PRPF38B: variants seen among roughly 807,000 people sequenced by gnomAD.
PRPF38B encodes pre-mRNA processing factor 38B, also known as pre-mRNA-splicing factor 38B.
PRPF38B carries 18 observed loss-of-function variants against 67.2 expected under a neutral mutation model. The ratio of observed to expected loss-of-function variants is 0.27; its 90% CI spans 0.19 to 0.40. The LOEUF (loss-of-function observed/expected upper bound fraction) is 0.40. Among genes scored for constraint, PRPF38B ranks in the 10% least tolerant of loss-of-function variants. The pLI, the probability that PRPF38B is intolerant of heterozygous loss-of-function variation, is 1.00. For missense variants in PRPF38B, 544 were observed against 684.9 expected (o/e 0.79, Z 2.30); for synonymous variants, 246 against 234.2 (o/e 1.05, Z -0.46).
chr1:108,695,804 T>C, intron 2 of PRPF38B, 34 bp downstream of exon 2: 3 of 1,602,112 alleles, frequency 1.9e-6, no homozygotes, highest in Non-Finnish European at 2.6e-6. Context: ...TCAGTTTTTC[T>C]GTGTCTAATA....
chr1:108,700,748 T>C lies in PRPF38B; in HGVS notation c.*728T>C, dbSNP rs1372251016. 6.6e-6 allele frequency: 1 copy of C among 152,586 alleles called. No homozygotes were observed. Among genetic ancestry groups the C allele is most frequent in the Non-Finnish European group, 1.5e-5 (1 of 68,022 alleles). 9.5% of individuals were successfully genotyped at this position (152,586 alleles called of 1,614,324 possible). ...AGTTTTCCTTTTTTATTTGAAAAAA[T>C]ACATGACATGTAATCTTTTTTTCTT... On this transcript the variant is annotated 3_prime_UTR_variant, in exon 6 of 6. Coordinates refer to ENST00000370025, the MANE Select transcript of PRPF38B (RefSeq NM_018061.4).
chr1:108,696,714 C>CT (rs1659893738), intron 4 of PRPF38B: 5 of 715,816 alleles, frequency 7.0e-6, no homozygotes, highest in Middle Eastern at 2.3e-4. Context: ...CTAATTGTAG[C>CT]TTTTTTTTCT....
intron 4 of PRPF38B, chr1:108,696,994 C>G: frequency 1.9e-6 from 1 of 513,826 alleles, no homozygotes. Context: ...TATGCATTGG[C>G]TGGGCGTGGT....
At chr1:108,694,905 T>A (rs979355288) in intron 1 of PRPF38B, among the ~76,000 whole-genome samples, 3 of 149,012 alleles carry the variant, frequency 2.0e-5, no homozygotes, top group Admixed American at 6.6e-5. Context: ...TTAGCAAATA[T>A]GATACTGTAT....
In PRPF38B at chr1:108,699,466, G is replaced by T; in HGVS notation, c.1087G>T (p.Gly363Cys). 6.2e-7 allele frequency: 1 copy of T among 1,610,132 alleles called. No homozygotes were observed. The highest frequency in any genetic ancestry group is 8.5e-7 in the Non-Finnish European group (1 of 1,177,968). The change falls in exon 6 of 6, where the codon GGT (glycine) becomes TGT (cysteine). Residue 363 changes from glycine (G) to cysteine (C), a missense_variant. Around this residue, in one of 5 missense-constraint regions of PRPF38B, gnomAD observed 387 missense variants for 386.1 expected, o/e 1.00. Transcript: ENST00000370025. ...AGAAAGAGAGAAAGAAAATGAGAGA[G>T]GTAGAAGACGAGATCGTGACTATGA... is the stretch of plus-strand genomic sequence containing the variant. ...DREREKENER[G>C]RRRDRDYDKE...
At chr1:108,693,609 C>CTT in intron 1 of PRPF38B, 1 of 985,030 alleles carries the variant, frequency 1.0e-6, no homozygotes, top group African/African-American at 1.7e-5. Flanking sequence ...AGTCTTGCAG[C>CTT]GAGGCTCGGA....
chr1:108,698,472 G>A (rs1215540337), intron 4 of PRPF38B, 132 bp from the exon 5 acceptor site: 1 of 699,332 alleles, frequency 1.4e-6, no homozygotes, highest in Non-Finnish European at 2.4e-6. Flanking sequence ...TGTCAGATCA[G>A]GATATGAAAA....
chr1:108,699,064 G>C (rs1660167062), intron 5 of PRPF38B, 98 bp from the exon 6 acceptor site: 1 of 1,515,046 alleles, frequency 6.6e-7, no homozygotes, highest in South Asian at 1.4e-5. Context: ...CCTTAAGCTT[G>C]AGGACATGAA....
intron 4 of PRPF38B, chr1:108,697,896 T>C (rs1660058318): frequency 6.6e-6 from 1 of 152,244 alleles, no homozygotes; most frequent in African/African-American, 2.4e-5. Context: ...TTAGCTCTTG[T>C]TTTCCTGTTT....
rs749221908 is a variant in PRPF38B at position 108,699,652 on chromosome 1, C to A, written c.1273C>A (p.His425Asn). Reference sequence around the variant, plus strand: ...AAGAGATTCCAAGAAAGAGAAAAAACACAGTAGAAGCAGAAGCAGAGAAAG... The same window carrying A: ...AAGAGATTCCAAGAAAGAGAAAAAAAACAGTAGAAGCAGAAGCAGAGAAAG... ...DKRDSKKEKK[H>N]SRSRSRERKH... Residue 425 changes from histidine to asparagine, a missense_variant, in exon 6 of 6, where the codon CAC (histidine) becomes AAC (asparagine). Transcript: ENST00000370025. 3.2e-6 allele frequency: 5 copies of A among 1,564,390 alleles called. No homozygotes were observed. The highest frequency in any genetic ancestry group is 4.3e-6 in the Non-Finnish European group (5 of 1,154,484).
Position 108,701,648 on chromosome 1 carries a change from C to G in PRPF38B, c.*1628C>G, listed in dbSNP as rs531371534. 6.6e-6 allele frequency: 1 copy of G among 152,174 alleles called. No individual in the cohort carries two copies. The highest frequency in any genetic ancestry group is 1.9e-4 in the East Asian group (1 of 5,204). 9.4% of individuals were successfully genotyped at this position (152,174 alleles called of 1,614,324 possible). ...GCACATTGAGGTTTGTTTTATCTCACTGGTTATACTGGCCAACTAATGCGC... is the reference window on the plus strand; with the variant it reads ...GCACATTGAGGTTTGTTTTATCTCAGTGGTTATACTGGCCAACTAATGCGC... On this transcript the variant is annotated 3_prime_UTR_variant, in exon 6 of 6. Coordinates refer to ENST00000370025, the MANE Select transcript of PRPF38B (RefSeq NM_018061.4).
intron 4 of PRPF38B, 104 bp from the exon 5 acceptor site, chr1:108,698,500 T>A: frequency 1.2e-6 from 1 of 863,454 alleles, no homozygotes; most frequent in East Asian, 2.7e-5. Flanking sequence ...TTTCTGTTAG[T>A]TTTTTTTGTA....
intron 4 of PRPF38B, chr1:108,696,591 CTTAA>C (rs1659879843): frequency 1.6e-6 from 1 of 606,910 alleles, no homozygotes; most frequent in Non-Finnish European, 2.9e-6. Context: ...ATTTTCTCTT[CTTAA>C]TTATGTTCTG....
Position 108,699,563 on chromosome 1 carries a change from G to A in PRPF38B, c.1184G>A (p.Arg395Lys), listed in dbSNP as rs200491160. The change falls in exon 6 of 6, where the codon AGG becomes AAG. Residue 395 changes from arginine (R) to lysine (K), a missense_variant. By Grantham distance (26) the Arg-to-Lys change is conservative. Around this residue, in one of 5 missense-constraint regions of PRPF38B, gnomAD observed 387 missense variants for 386.1 expected, o/e 1.00. Transcript: ENST00000370025. ...GAAAGGTCCAAGGAACAGAGAAGTA[G>A]GGGAGAGGTAGAAGAGAAGAAACAT... ...SRERSKEQRS[R>K]GEVEEKKHKE... is the part of the protein sequence containing the mutation. The A allele has an allele frequency of 6.3e-4, 981 of 1,553,846 alleles. No homozygotes were observed. The highest frequency in any genetic ancestry group is 7.8e-4 in the Non-Finnish European group (897 of 1,148,138).
At position 108,699,817 on chromosome 1, in the gene PRPF38B, G is replaced by A; in HGVS notation, c.1438G>A (p.Asp480Asn). ...RSRSGSQGRT[D>N]SVEKSKKREH... ...TCGAAGTGGCAGTCAAGGAAGAACT[G>A]ACAGTGTTGAAAAATCAAAAAAACG... Residue 480 changes from aspartate (D) to asparagine (N), a missense_variant, in exon 6 of 6, where the codon GAC becomes AAC. Around this residue, in one of 5 missense-constraint regions of PRPF38B, gnomAD observed 387 missense variants for 386.1 expected, o/e 1.00. Transcript: ENST00000370025. 1 of 1,613,122 alleles carries A rather than the reference G, an allele frequency of 6.2e-7. No individual in the cohort carries two copies.
intron 1 of PRPF38B, among the ~76,000 whole-genome samples, chr1:108,693,156 A>T (rs548444909): frequency 2.6e-5 from 4 of 152,274 alleles, no homozygotes; most frequent in Non-Finnish European, 5.9e-5. Context: ...GGGGGAGAGG[A>T]GGAAAGAGTA....
At position 108,699,949 on chromosome 1, in the gene PRPF38B, C is replaced by G. The variant is rs758331572; in HGVS notation, c.1570C>G (p.Arg524Gly). 12 of 1,613,338 alleles carry G rather than the reference C, an allele frequency of 7.4e-6. No homozygotes were observed. Among genetic ancestry groups the G allele is most frequent in the Admixed American group, 1.7e-5 (1 of 59,746 alleles). ...DSKDQSDKHD[R>G]RRSQSIEQES... is the part of the protein sequence containing the mutation. ...TAAGGACCAGTCAGACAAACATGAT[C>G]GTCGAAGGAGCCAAAGTATAGAACA... The change falls in exon 6 of 6, where the codon CGT becomes GGT. Residue 524 changes from arginine to glycine, a missense_variant. By Grantham distance (125) the Arg-to-Gly change is moderately radical (BLOSUM62 -2). Coordinates refer to ENST00000370025, the MANE Select transcript of PRPF38B (RefSeq NM_018061.4).
Position 108,699,530 on chromosome 1 carries a change from G to A in PRPF38B, c.1151G>A (p.Arg384Gln), listed in dbSNP as rs1178798608. ...RGNEREKERE[R>Q]SRERSKEQRS... ...AATGAACGAGAAAAAGAGAGAGAGCGATCAAGAGAAAGGTCCAAGGAACAG... is the reference window on the plus strand; with the variant it reads ...AATGAACGAGAAAAAGAGAGAGAGCAATCAAGAGAAAGGTCCAAGGAACAG... Residue 384 changes from arginine to glutamine, a missense_variant, in exon 6 of 6, where the codon CGA becomes CAA. Arg to Gln is a conservative substitution (Grantham distance 43). Transcript: ENST00000370025. 8.3e-6 allele frequency: 13 copies of A among 1,558,458 alleles called. No individual in the cohort carries two copies. Among genetic ancestry groups the A allele is most frequent in the African/African-American group, 1.4e-5 (1 of 73,134 alleles).
intron 4 of PRPF38B, chr1:108,696,586 CTCT>C (rs1331906940): frequency 4.5e-5 from 27 of 603,800 alleles, no homozygotes; most frequent in Non-Finnish European, 6.8e-5. Context: ...GGAAAATTTT[CTCT>C]TCTTAATTAT....
Sources: allele counts gnomAD v4.1 joint callset (sites outside exome capture counted in the v4.1 genomes callset), GRCh38; gene constraint gnomAD v4.1.1; regional missense constraint gnomAD v4.1.1; transcripts MANE v1.5; gene names NCBI Gene and HGNC (gene_info 2026-07-23, HGNC 2026-07-21).